The following EEF1AKMT2 variants were observed in gnomAD, a reference collection of about 807,000 sequenced individuals.
EEF1AKMT2 encodes EEF1A lysine methyltransferase 2.
A neutral mutation model predicts 35.8 loss-of-function variants in EEF1AKMT2; 32 were observed. That is an observed-to-expected ratio of 0.89 (90% CI 0.67 to 1.20). The LOEUF (loss-of-function observed/expected upper bound fraction) is 1.20. Ranked by LOEUF, EEF1AKMT2 falls within the 50% of genes most tolerant of loss-of-function variation. The pLI is 0.00. For missense variants in EEF1AKMT2, 330 were observed against 347.5 expected (o/e 0.95, Z 0.40); for synonymous variants, 121 against 133.7 (o/e 0.91, Z 0.65).
chr10:124,773,355 G>A (rs1029257034), intron 4 of EEF1AKMT2, among the ~76,000 whole-genome samples: 23 of 152,066 alleles, frequency 1.5e-4, no homozygotes, highest in African/African-American at 5.3e-4. Context: ...GTCCAGGCTG[G>A]AGTGTAGTTG....
intron 3 of EEF1AKMT2, among the ~76,000 whole-genome samples, chr10:124,781,234 G>A (rs1436477160): frequency 1.3e-5 from 2 of 151,820 alleles, no homozygotes; most frequent in Admixed American, 6.6e-5. Context: ...GTGAGCCACC[G>A]TGCCCAGCCC....
chr10:124,756,896 G>A (rs977409155), downstream of EEF1AKMT2, among the ~76,000 whole-genome samples: 1 of 152,054 alleles, frequency 6.6e-6, no homozygotes, highest in African/African-American at 2.4e-5. Context: ...CAAATTGCAT[G>A]GTGTATATGA....
At chr10:124,782,581 CAAAAAAAAAAAA>C (rs34882125) in intron 3 of EEF1AKMT2, among the ~76,000 whole-genome samples, 8 of 62,404 alleles carry the variant, frequency 1.3e-4, no homozygotes, top group African/African-American at 5.5e-4. Flanking sequence ...GACTCCGTCT[CAAAAAAAAAAAA>C]AAAAAAAAAA....
At chr10:124,764,704 G>A (rs1305546466) in intron 5 of EEF1AKMT2, among the ~76,000 whole-genome samples, 1 of 152,190 alleles carries the variant, frequency 6.6e-6, no homozygotes, top group African/African-American at 2.4e-5. Context: ...GCTAGTGCAA[G>A]ACAGCTAAAG....
At chr10:124,784,782 T>C (rs1169179723) in intron 3 of EEF1AKMT2, among the ~76,000 whole-genome samples, 1 of 151,666 alleles carries the variant, frequency 6.6e-6, no homozygotes, top group Non-Finnish European at 1.5e-5. Flanking sequence ...AATACAAAAA[T>C]TAGCGGGGCA....
At chr10:124,791,146 C>T (rs1422838372) in intron 1 of EEF1AKMT2, among the ~76,000 whole-genome samples, 2 of 152,124 alleles carry the variant, frequency 1.3e-5, no homozygotes, top group African/African-American at 4.8e-5. Flanking sequence ...GCCAATTTAC[C>T]TCTCCCCAAC....
rs534136863 is a variant in EEF1AKMT2 at position 124,787,610 on chromosome 10, T to C, written c.291+1433A>G. 2.6e-5 allele frequency among the ~76,000 whole-genome samples: 4 copies of C among 151,770 alleles called. No homozygotes were observed. In the East Asian group the frequency reaches 7.8e-4, roughly 29 times the overall value. Reference sequence around the variant, plus strand: ...GGAAGGAGGGCCAGCCTGGGCAACATAGTGAAACCTTGTCTCTACAAAAAA... The same window carrying C: ...GGAAGGAGGGCCAGCCTGGGCAACACAGTGAAACCTTGTCTCTACAAAAAA... On this transcript the variant is annotated intron_variant, in intron 3 of 6. Transcript: ENST00000368836.
At chr10:124,773,523 G>A (rs561061369) in intron 4 of EEF1AKMT2, among the ~76,000 whole-genome samples, 138 of 152,294 alleles carry the variant, frequency 9.1e-4, no homozygotes, top group African/African-American at 3.2e-3. Flanking sequence ...ATTAGCCACT[G>A]CGCCTGTCCC....
chr10:124,769,233 AATAT>A lies in EEF1AKMT2; in HGVS notation c.400-3629_400-3626del, dbSNP rs1554917157. On this transcript the variant is annotated intron_variant, in intron 4 of 6. Transcript: ENST00000368836. ...ACACTGTCTCCAAAAAAAAAAAAAAAATATATATATATATATGTGTGTATAAATA... is the reference window on the plus strand; with the variant it reads ...ACACTGTCTCCAAAAAAAAAAAAAAAATATATATATATGTGTGTATAAATA... 6.8e-4 allele frequency among the ~76,000 whole-genome samples: 9 copies of A among 13,320 alleles called. 1 individual carries two copies. The highest frequency in any genetic ancestry group is 7.7e-4 in the African/African-American group (9 of 11,732). 8.7% of individuals were successfully genotyped at this position (13,320 alleles called of 152,430 possible).
At chr10:124,771,305 T>G (rs1227151230) in intron 4 of EEF1AKMT2, among the ~76,000 whole-genome samples, 1 of 151,792 alleles carries the variant, frequency 6.6e-6, no homozygotes, top group Non-Finnish European at 1.5e-5. Flanking sequence ...TTCACCATGT[T>G]AGCCAGGATG....
intron 5 of EEF1AKMT2, 21 bp downstream of exon 5, chr10:124,765,370 TA>T: frequency 6.3e-7 from 1 of 1,598,250 alleles, no homozygotes; most frequent in African/African-American, 1.3e-5. Flanking sequence ...AGCACACATT[TA>T]AACACCATAT....
intron 4 of EEF1AKMT2, among the ~76,000 whole-genome samples, chr10:124,771,390 CG>C (rs1340961007): frequency 1.3e-5 from 2 of 151,582 alleles, no homozygotes; most frequent in African/African-American, 2.4e-5. Flanking sequence ...TGAGCCACCG[CG>C]CCCAGCCCAT....
chr10:124,778,972 G>A (rs1027925414), intron 3 of EEF1AKMT2, among the ~76,000 whole-genome samples: 4 of 151,970 alleles, frequency 2.6e-5, no homozygotes, highest in South Asian at 2.1e-4. Flanking sequence ...AAAGTAGTAC[G>A]TATAAGAAAT....
chr10:124,764,463 G>T (rs1210778761), intron 5 of EEF1AKMT2, among the ~76,000 whole-genome samples: 1 of 152,164 alleles, frequency 6.6e-6, no homozygotes, highest in Non-Finnish European at 1.5e-5. Context: ...GTCTGCCAGA[G>T]AACTCAAAAT....
chr10:124,760,440 C>G lies in EEF1AKMT2; in HGVS notation c.*63G>C, dbSNP rs1950321100. The G allele has an allele frequency of 6.8e-6, 11 of 1,613,924 alleles. No individual in the cohort carries two copies. Among genetic ancestry groups the G allele is most frequent in the Admixed American group, 1.7e-5 (1 of 60,020 alleles). On this transcript the variant is annotated 3_prime_UTR_variant, in exon 7 of 7. Coordinates refer to ENST00000368836, the MANE Select transcript of EEF1AKMT2 (RefSeq NM_212554.4). ...TTTTTGGAAAACCAATGCTGCTACA[C>G]TGTTTCCAGATCTGCCTCCAAAGCT...
rs1554918000 is a variant in EEF1AKMT2, at chr10:124,774,406, A to AAAAAAAAAAAAAAAAAAAAAAAAAAAG, written c.399+268_399+269insCTTTTTTTTTTTTTTTTTTTTTTTTTT. Among the ~76,000 whole-genome samples, 2 of 48,506 alleles carry AAAAAAAAAAAAAAAAAAAAAAAAAAAG rather than the reference A, an allele frequency of 4.1e-5. 1 individual carries two copies. The highest frequency in any genetic ancestry group is 1.2e-4 in the African/African-American group (2 of 16,492). 31.8% of individuals were successfully genotyped at this position (48,506 alleles called of 152,430 possible). On this transcript the variant is annotated intron_variant, in intron 4 of 6. Transcript: ENST00000368836. Reference sequence around the variant, plus strand: ...AAAAAAAAAAAAAAAAAAAAAAAAAAAAAACCCTTTTGATCTGGTTAATCC... The same window carrying AAAAAAAAAAAAAAAAAAAAAAAAAAAG: ...AAAAAAAAAAAAAAAAAAAAAAAAAAAAAAAAAAAAAAAAAAAAAAAAAAAAGAAAACCCTTTTGATCTGGTTAATCC...
chr10:124,761,604 A>C (rs1375354733), intron 6 of EEF1AKMT2, among the ~76,000 whole-genome samples: 1 of 152,200 alleles, frequency 6.6e-6, no homozygotes, highest in Non-Finnish European at 1.5e-5. Flanking sequence ...TTAACTTGGA[A>C]TCTAAAATCC....
In EEF1AKMT2 at chr10:124,765,623, A is replaced by C. The variant is rs1472933220; in HGVS notation, c.400-15T>G. On this transcript the variant is annotated splice_polypyrimidine_tract_variant and intron_variant, in intron 4 of 6. Transcript: ENST00000368836. ...AAGTCTTCTACCTATATTAAAAGTC[A>C]ATGTCTATGTGAGAACAATTAAAAC... 1 of 1,595,842 alleles carries C rather than the reference A, an allele frequency of 6.3e-7. No homozygotes were observed. The highest frequency in any genetic ancestry group is 8.6e-7 in the Non-Finnish European group (1 of 1,165,312).
chr10:124,777,322 A>G (rs1950496534), intron 3 of EEF1AKMT2, among the ~76,000 whole-genome samples: 1 of 152,008 alleles, frequency 6.6e-6, no homozygotes, highest in Non-Finnish European at 1.5e-5. Flanking sequence ...TATAGCACAG[A>G]ATATAAGATG....
Sources: allele counts gnomAD v4.1 joint callset (sites outside exome capture counted in the v4.1 genomes callset), GRCh38; gene constraint gnomAD v4.1.1; transcripts MANE v1.5; gene names NCBI Gene and HGNC (gene_info 2026-07-23, HGNC 2026-07-21).